Variants in RBFOX1 observed in about 807,000 individuals in gnomAD.
The protein encoded by RBFOX1 is RNA binding protein fox-1 homolog 1.
In RBFOX1, 8 loss-of-function variants were observed where a neutral mutation model predicts 57.7. The observed-to-expected ratio is 0.14, with a 90% CI of 0.08 to 0.25. The LOEUF (loss-of-function observed/expected upper bound fraction) is 0.25. RBFOX1 is among the 10% of genes least tolerant of loss of function. The probability of loss-of-function intolerance (pLI) is 1.00; values close to 1 mark genes in which losing one functional copy is unlikely to be tolerated. For missense variants in RBFOX1, 611 were observed against 548.5 expected, an observed-to-expected ratio of 1.11 and a Z score of -1.14; for synonymous variants, 326 against 222.4, an observed-to-expected ratio of 1.47 and a Z score of -4.15.
intron 4 of RBFOX1, among the ~76,000 whole-genome samples, chr16:7,084,826 C>T (rs1315605322): frequency 6.6e-6 from 1 of 152,178 alleles, no homozygotes; most frequent in Non-Finnish European, 1.5e-5. Flanking sequence ...CTGTCTGTAT[C>T]TGGCAATCTT....
At chr16:5,574,583 T>TTTTG (rs956415831) in intron 2 of RBFOX1, among the ~76,000 whole-genome samples, 22 of 152,062 alleles carry the variant, frequency 1.4e-4, no homozygotes, top group Non-Finnish European at 2.6e-4. Flanking sequence ...CCCAGCAATT[T>TTTTG]TTTGTTTGTT....
intron 1 of RBFOX1, among the ~76,000 whole-genome samples, chr16:6,284,300 G>C (rs1051557894): frequency 6.6e-6 from 1 of 152,166 alleles, no homozygotes; most frequent in African/African-American, 2.4e-5. Flanking sequence ...CTCTGGGGTA[G>C]TTCAGAAATC....
intron 2 of RBFOX1, among the ~76,000 whole-genome samples, chr16:5,487,309 G>A (rs1179042581): frequency 6.6e-6 from 1 of 152,290 alleles, no homozygotes; most frequent in Non-Finnish European, 1.5e-5. Flanking sequence ...CGTAGCACAG[G>A]GTCTGTGATG....
intron 3 of RBFOX1, among the ~76,000 whole-genome samples, chr16:6,695,631 G>T (rs1005371224): frequency 2.0e-5 from 3 of 152,120 alleles, no homozygotes; most frequent in Non-Finnish European, 4.4e-5. Flanking sequence ...TCTTTAGGGA[G>T]AATATATTGT....
chr16:6,182,388 T>C (rs914955347), intron 1 of RBFOX1, among the ~76,000 whole-genome samples: 1 of 152,210 alleles, frequency 6.6e-6, no homozygotes, highest in African/African-American at 2.4e-5. Flanking sequence ...GAATCATTCC[T>C]AATTCCACCA....
chr16:5,784,399 C>G (rs1035255040), intron 3 of RBFOX1, among the ~76,000 whole-genome samples: 7 of 151,686 alleles, frequency 4.6e-5, no homozygotes, highest in African/African-American at 1.7e-4. Flanking sequence ...TGCACTCCAG[C>G]CTGGGCGACA....
intron 4 of RBFOX1, among the ~76,000 whole-genome samples, chr16:7,451,065 A>G (rs7197061): frequency 0.55 from 83,492 of 152,000 alleles, 23,370 homozygotes; most frequent in East Asian, 0.74. Context: ...CCTGAGTGAC[A>G]AGGAGGAGAC....
At chr16:7,627,574 T>C (rs1176726458) in intron 10 of RBFOX1, among the ~76,000 whole-genome samples, 2 of 152,222 alleles carry the variant, frequency 1.3e-5, no homozygotes, top group Non-Finnish European at 2.9e-5. Context: ...GTGGACTCAA[T>C]GAAGAGCTAT....
intron 3 of RBFOX1, among the ~76,000 whole-genome samples, chr16:6,880,688 C>A (rs372906693): frequency 3.9e-5 from 6 of 152,274 alleles, no homozygotes; most frequent in African/African-American, 1.2e-4. Context: ...GAGCACTGAG[C>A]TGTATGATGT....
chr16:5,566,731 C>T (rs2046087053), intron 2 of RBFOX1, among the ~76,000 whole-genome samples: 1 of 151,416 alleles, frequency 6.6e-6, no homozygotes, highest in African/African-American at 2.4e-5. Context: ...GACAAACTAC[C>T]TAGAGAGCTT....
At chr16:6,192,797 A>G (rs1422334150) in intron 1 of RBFOX1, among the ~76,000 whole-genome samples, 1 of 152,200 alleles carries the variant, frequency 6.6e-6, no homozygotes, top group Admixed American at 6.5e-5. Flanking sequence ...ACAGGTTGTC[A>G]TGCACTAAAA....
At chr16:5,830,622 A>G (rs1185201131) in intron 3 of RBFOX1, among the ~76,000 whole-genome samples, 1 of 152,070 alleles carries the variant, frequency 6.6e-6, no homozygotes, top group Non-Finnish European at 1.5e-5. Context: ...GAAAAGATGT[A>G]TGGGAAGATA....
At chr16:5,262,569 G>T (rs2062761453) in intron 1 of RBFOX1, among the ~76,000 whole-genome samples, 1 of 152,218 alleles carries the variant, frequency 6.6e-6, no homozygotes, top group African/African-American at 2.4e-5. Flanking sequence ...GGACTCCTTA[G>T]CCTCCATAAC....
intron 1 of RBFOX1, among the ~76,000 whole-genome samples, chr16:6,295,592 G>C (rs1220183465): frequency 6.6e-6 from 1 of 152,216 alleles, no homozygotes; most frequent in Non-Finnish European, 1.5e-5. Flanking sequence ...CCAGCAGGTA[G>C]CTTCTACATC....
chr16:6,962,637 G>A (rs557543660), intron 3 of RBFOX1, among the ~76,000 whole-genome samples: 1 of 152,060 alleles, frequency 6.6e-6, no homozygotes, highest in Admixed American at 6.6e-5. Flanking sequence ...GGCCGAGGCC[G>A]GTAGATTGGT....
At chr16:7,539,047 G>A (rs1014038219) in intron 5 of RBFOX1, among the ~76,000 whole-genome samples, 1 of 152,080 alleles carries the variant, frequency 6.6e-6, no homozygotes, top group Non-Finnish European at 1.5e-5. Flanking sequence ...CTCAGCCTTG[G>A]CATTTGCTAT....
chr16:7,649,178 C>T (rs1471057538), intron 11 of RBFOX1, among the ~76,000 whole-genome samples: 5 of 151,986 alleles, frequency 3.3e-5, no homozygotes, highest in Non-Finnish European at 5.9e-5. Flanking sequence ...AGAGGAGGAG[C>T]ATGTCCACCC....
At chr16:5,764,098 G>A (rs145753324) in intron 3 of RBFOX1, among the ~76,000 whole-genome samples, 4 of 152,304 alleles carry the variant, frequency 2.6e-5, no homozygotes, top group Admixed American at 6.5e-5. Flanking sequence ...ATGAATAAGA[G>A]AGAAGGCTGT....
At chr16:5,759,630 T>G (rs2053524758) in intron 3 of RBFOX1, among the ~76,000 whole-genome samples, 1 of 152,180 alleles carries the variant, frequency 6.6e-6, no homozygotes, top group Non-Finnish European at 1.5e-5. Context: ...GATCTCCATT[T>G]GGGTAGAAGC....
Sources: gnomAD v4.1 joint callset for allele counts (sites outside exome capture counted in the v4.1 genomes callset) on GRCh38, gnomAD v4.1.1 for gene constraint, MANE v1.5 for transcripts, NCBI Gene and HGNC (gene_info 2026-07-23, HGNC 2026-07-21) for gene names.